IMMP2L: variants seen among roughly 807,000 people sequenced by gnomAD.
The protein encoded by IMMP2L is mitochondrial inner membrane protease subunit 2.
In IMMP2L, 18 loss-of-function variants were observed where a neutral mutation model predicts 19.3. The observed-to-expected ratio is 0.93, with a 90% CI of 0.64 to 1.38. The LOEUF is 1.38. Among genes scored for constraint, IMMP2L ranks in the 40% most tolerant of loss-of-function variants. The probability of loss-of-function intolerance (pLI) is 0.00; values close to 1 mark genes in which losing one functional copy is unlikely to be tolerated. For missense variants in IMMP2L, 233 were observed against 218.2 expected (o/e 1.07, Z -0.43); for synonymous variants, 76 against 73.0 (o/e 1.04, Z -0.21).
At chr7:110,861,980 G>T (rs1311206245) in intron 5 of IMMP2L, among the ~76,000 whole-genome samples, 1 of 151,904 alleles carries the variant, frequency 6.6e-6, no homozygotes, top group Non-Finnish European at 1.5e-5. Context: ...CACATGACCT[G>T]CATGGTTTAT....
intron 3 of IMMP2L, among the ~76,000 whole-genome samples, chr7:111,176,650 G>A (rs900948968): frequency 2.0e-5 from 3 of 151,880 alleles, no homozygotes; most frequent in Non-Finnish European, 4.4e-5. Context: ...GTGAGTGTGA[G>A]GATGGTTAAT....
At chr7:110,671,709 C>T (rs1791933850) in intron 5 of IMMP2L, among the ~76,000 whole-genome samples, 1 of 151,908 alleles carries the variant, frequency 6.6e-6, no homozygotes, top group Non-Finnish European at 1.5e-5. Flanking sequence ...CTATAGTCTA[C>T]CTAACACTCT....
chr7:111,561,433 T>C (rs894218836), intron 1 of IMMP2L, among the ~76,000 whole-genome samples: 2 of 152,156 alleles, frequency 1.3e-5, no homozygotes, highest in Non-Finnish European at 2.9e-5. Context: ...TTTTAAAATG[T>C]AAACATCCCT....
At chr7:111,367,066 A>G (rs1219335622) in intron 3 of IMMP2L, among the ~76,000 whole-genome samples, 2 of 151,680 alleles carry the variant, frequency 1.3e-5, no homozygotes, top group African/African-American at 2.4e-5. Context: ...GTACTGTGAG[A>G]GAGAGGAATA....
chr7:110,806,750 G>A (rs1235827739), intron 5 of IMMP2L, among the ~76,000 whole-genome samples: 3 of 151,970 alleles, frequency 2.0e-5, no homozygotes, highest in Non-Finnish European at 4.4e-5. Flanking sequence ...CAATTTAAAT[G>A]CTTTCTTTTT....
At chr7:111,171,571 T>C (rs903563872) in intron 3 of IMMP2L, among the ~76,000 whole-genome samples, 3 of 151,506 alleles carry the variant, frequency 2.0e-5, no homozygotes, top group Non-Finnish European at 4.4e-5. Flanking sequence ...AGAACATTTA[T>C]GAAAAATGTA....
chr7:111,431,928 T>C (rs1836669708), intron 3 of IMMP2L, among the ~76,000 whole-genome samples: 2 of 150,886 alleles, frequency 1.3e-5, no homozygotes, highest in Non-Finnish European at 2.9e-5. Context: ...TTTCCTCAGA[T>C]TTAAAAAAAA....
chr7:111,487,335 A>C lies in IMMP2L; in HGVS notation c.142T>G (p.Leu48Val). The C allele has an allele frequency of 1.9e-6, 3 of 1,589,802 alleles. No homozygotes were observed. Among genetic ancestry groups the C allele is most frequent in the Non-Finnish European group, 2.6e-6 (3 of 1,158,050 alleles). Residue 48 changes from leucine (L) to valine (V), a missense_variant, in exon 3 of 6, where the codon TTG becomes GTG. Coordinates refer to ENST00000405709, the MANE Select transcript of IMMP2L (RefSeq NM_032549.4). The stretch of plus-strand genomic sequence containing the variant: ...GATGACTGGCTCCCCCCAGGATTCA[A>C]AGAAGGCTAGAAAATAAGGAGAAAG... ...RVEGASMQPS[L>V]NPGGSQSSDV...
chr7:110,715,669 CT>C (rs1369137128), intron 5 of IMMP2L, among the ~76,000 whole-genome samples: 1 of 151,962 alleles, frequency 6.6e-6, no homozygotes, highest in Non-Finnish European at 1.5e-5. Context: ...TTTATTAAGA[CT>C]TTTTTGTGGT....
At chr7:110,705,214 G>A (rs578226231) in intron 5 of IMMP2L, among the ~76,000 whole-genome samples, 67 of 152,168 alleles carry the variant, frequency 4.4e-4, no homozygotes, top group Non-Finnish European at 5.6e-4. Context: ...ATAATCAAGA[G>A]TTGGCTAAAA....
chr7:111,217,118 TCTCTCTCTCACACACA>T (rs1812014310), intron 3 of IMMP2L, among the ~76,000 whole-genome samples: 1 of 144,370 alleles, frequency 6.9e-6, no homozygotes, highest in Admixed American at 6.8e-5. Context: ...TCTCTCTCTC[TCTCTCTCTCACACACA>T]CACACACACA....
intron 3 of IMMP2L, among the ~76,000 whole-genome samples, chr7:111,206,340 C>T (rs1810704750): frequency 6.6e-6 from 1 of 152,138 alleles, no homozygotes; most frequent in Admixed American, 6.5e-5. Context: ...TTTAGCTTTC[C>T]AGCACTAAGA....
intron 1 of IMMP2L, among the ~76,000 whole-genome samples, chr7:111,558,718 C>T (rs983937684): frequency 8.5e-5 from 13 of 152,092 alleles, no homozygotes; most frequent in Admixed American, 8.5e-4. Flanking sequence ...TCTACAGTAC[C>T]ACTAATATAT....
At chr7:111,423,670 G>C (rs1178209925) in intron 3 of IMMP2L, among the ~76,000 whole-genome samples, 1 of 150,746 alleles carries the variant, frequency 6.6e-6, no homozygotes, top group African/African-American at 2.5e-5. Flanking sequence ...TGTGTAGAGG[G>C]AAATTTATAG....
chr7:110,889,516 A>T (rs963650738), intron 4 of IMMP2L, among the ~76,000 whole-genome samples: 6 of 152,158 alleles, frequency 3.9e-5, no homozygotes, highest in Non-Finnish European at 8.8e-5. Flanking sequence ...GGGCTCAGGC[A>T]GTAATGAGAG....
intron 3 of IMMP2L, among the ~76,000 whole-genome samples, chr7:111,409,644 A>C (rs567236508): frequency 2.3e-4 from 35 of 151,952 alleles, no homozygotes; most frequent in African/African-American, 8.2e-4. Context: ...TGAAAATAAA[A>C]ACATACAGTA....
At chr7:111,549,131 T>C (rs368229404) in intron 1 of IMMP2L, among the ~76,000 whole-genome samples, 1 of 152,190 alleles carries the variant, frequency 6.6e-6, no homozygotes, top group African/African-American at 2.4e-5. Flanking sequence ...TAACCATCTT[T>C]TTGGCAGTAT....
intron 2 of IMMP2L, among the ~76,000 whole-genome samples, chr7:111,501,973 T>A (rs1844316970): frequency 6.6e-6 from 1 of 152,050 alleles, no homozygotes; most frequent in South Asian, 2.1e-4. Context: ...CACATAACAA[T>A]ATTAACTTTA....
chr7:111,349,907 A>G (rs555766509), intron 3 of IMMP2L, among the ~76,000 whole-genome samples: 4 of 151,920 alleles, frequency 2.6e-5, no homozygotes, highest in African/African-American at 9.7e-5. Flanking sequence ...CCCACACCCA[A>G]TATCATGGCT....
Sources: allele counts gnomAD v4.1 joint callset (sites outside exome capture counted in the v4.1 genomes callset), GRCh38; gene constraint gnomAD v4.1.1; transcripts MANE v1.5; gene names NCBI Gene and HGNC (gene_info 2026-07-23, HGNC 2026-07-21).